Variants in CLEC20A observed in about 807,000 individuals in gnomAD.
The protein encoded by CLEC20A is putative C-type lectin domain family 20 member A.
upstream of CLEC20A, chr1:178,497,203 C>T: frequency 2.6e-6 from 1 of 380,020 alleles, no homozygotes; most frequent in Non-Finnish European, 4.6e-6. Context: ...GTTCAGAAAA[C>T]AGTGTCCCAA....
chr1:178,487,359 G>A (rs897771168), intron 5 of CLEC20A, among the ~76,000 whole-genome samples: 1 of 152,088 alleles, frequency 6.6e-6, no homozygotes, highest in African/African-American at 2.4e-5. Flanking sequence ...GGGCTCTGTC[G>A]CCTTCAGGGT....
upstream of CLEC20A, chr1:178,497,137 G>T (rs921207159): frequency 2.5e-6 from 1 of 395,516 alleles, no homozygotes; most frequent in Non-Finnish European, 4.5e-6. Flanking sequence ...CTGCCAGCAG[G>T]GTGTGAGGTG....
chr1:178,491,261 G>C (rs1247750205), intron 3 of CLEC20A, among the ~76,000 whole-genome samples: 1 of 152,210 alleles, frequency 6.6e-6, no homozygotes, highest in Admixed American at 6.5e-5. Flanking sequence ...AACGACGTGA[G>C]TGGCTGGGAC....
chr1:178,487,160 C>T (rs1389250531), intron 5 of CLEC20A, among the ~76,000 whole-genome samples: 1 of 152,222 alleles, frequency 6.6e-6, no homozygotes, highest in East Asian at 1.9e-4. Context: ...CGGGCCTGTG[C>T]CTCTTCCACG....
At chr1:178,488,696 T>A (rs1649207848) in intron 4 of CLEC20A, 97 bp from the exon 5 acceptor site, 1 of 397,852 alleles carries the variant, frequency 2.5e-6, no homozygotes, top group Non-Finnish European at 4.4e-6. Context: ...TGGTTGCCCA[T>A]CATGGTAGCC....
At chr1:178,484,938 T>C (rs1217428020) in intron 5 of CLEC20A, among the ~76,000 whole-genome samples, 1 of 151,978 alleles carries the variant, frequency 6.6e-6, no homozygotes, top group Non-Finnish European at 1.5e-5. Flanking sequence ...CTGTCTCTCC[T>C]TTTCTGATTG....
intron 6 of CLEC20A, chr1:178,482,903 G>T: frequency 3.2e-6 from 1 of 313,056 alleles, no homozygotes; most frequent in Non-Finnish European, 5.8e-6. Context: ...TTATCTCATT[G>T]GGTGCTCACA....
chr1:178,479,501 G>A (rs1034077726), exon 8 of CLEC20A: 9 of 398,152 alleles, frequency 2.3e-5, no homozygotes, highest in African/African-American at 1.9e-4. Context: ...AGAGAAGATT[G>A]CATGAAACAG....
chr1:178,489,217 G>T (rs1041098085), intron 4 of CLEC20A, among the ~76,000 whole-genome samples: 2 of 152,050 alleles, frequency 1.3e-5, no homozygotes, highest in East Asian at 1.9e-4. Flanking sequence ...ACAAAAATTA[G>T]TCAGGCGTGG....
chr1:178,495,140 G>C (rs1649356449), intron 1 of CLEC20A, among the ~76,000 whole-genome samples: 1 of 152,200 alleles, frequency 6.6e-6, no homozygotes, highest in South Asian at 2.1e-4. Flanking sequence ...TTTCCTACAT[G>C]CTGCAGTGCA....
At chr1:178,497,416 G>A (rs556267538), upstream of CLEC20A, among the ~76,000 whole-genome samples, 8 of 152,280 alleles carry the variant, frequency 5.3e-5, no homozygotes, top group African/African-American at 9.6e-5. Flanking sequence ...AGGGATCATC[G>A]TTTGACTGTA....
At chr1:178,482,423 A>G (rs6425476) in intron 6 of CLEC20A, 26 bp from the exon 7 acceptor site, 4,972 of 398,542 alleles carry the variant, frequency 0.012, 176 homozygotes, top group African/African-American at 0.082. Flanking sequence ...CTACCTGTTC[A>G]GGGGGATATT....
At chr1:178,482,456 T>A (rs1381377836) in intron 6 of CLEC20A, 59 bp from the exon 7 acceptor site, 1 of 398,256 alleles carries the variant, frequency 2.5e-6, no homozygotes, top group Non-Finnish European at 4.4e-6. Flanking sequence ...TTTCAAGTTC[T>A]TAGCAGTCAG....
At chr1:178,484,043 A>G (rs1341594933) in intron 5 of CLEC20A, 1 of 152,230 alleles carries the variant, frequency 6.6e-6, no homozygotes, top group Non-Finnish European at 1.5e-5. Flanking sequence ...AAGGCTGCAT[A>G]GTAGTATTTC....
chr1:178,482,570 C>T (rs1649017870), intron 6 of CLEC20A, 173 bp from the exon 7 acceptor site: 1 of 393,020 alleles, frequency 2.5e-6, no homozygotes, highest in South Asian at 1.4e-4. Context: ...TAGGGTTAAC[C>T]AATTAGTGGC....
chr1:178,482,453 T>C (rs1418222072), intron 6 of CLEC20A, 56 bp from the exon 7 acceptor site: 1 of 398,250 alleles, frequency 2.5e-6, no homozygotes. Context: ...CCATTTCAAG[T>C]TCTTAGCAGT....
exon 1 of CLEC20A, chr1:178,496,922 C>A (rs1649407962): frequency 7.5e-6 from 3 of 399,342 alleles, no homozygotes; most frequent in Non-Finnish European, 1.3e-5. Flanking sequence ...AGGAGAGCAG[C>A]AGCGCCCGGG....
chr1:178,490,153 C>T, exon 4 of CLEC20A: 1 of 398,744 alleles, frequency 2.5e-6, no homozygotes, highest in Non-Finnish European at 4.4e-6. Context: ...ATGCCAAGAG[C>T]TGTGCACAGT....
intron 2 of CLEC20A, chr1:178,493,779 C>A (rs1447051182): frequency 6.6e-6 from 1 of 152,268 alleles, no homozygotes; most frequent in Non-Finnish European, 1.5e-5. Context: ...GAGAAGAAGA[C>A]AGTGAATTCT....
Sources: gnomAD v4.1 joint callset for allele counts (sites outside exome capture counted in the v4.1 genomes callset) on GRCh38, gnomAD v4.1.1 for gene constraint, MANE v1.5 for transcripts, NCBI Gene and HGNC (gene_info 2026-07-23, HGNC 2026-07-21) for gene names.